Variants in GRIN3A observed in about 807,000 individuals in gnomAD.
The protein encoded by GRIN3A is glutamate ionotropic receptor NMDA type subunit 3A, also known as glutamate receptor ionotropic, NMDA 3A.
GRIN3A carries 47 observed loss-of-function variants against 92.4 expected under a neutral mutation model. That is an observed-to-expected ratio of 0.51 (90% CI 0.40 to 0.65). The LOEUF (loss-of-function observed/expected upper bound fraction) is 0.65. GRIN3A is among the 30% of genes least tolerant of loss of function. The probability of loss-of-function intolerance (pLI) is 0.00; values close to 1 mark genes in which losing one functional copy is unlikely to be tolerated. For synonymous variants in GRIN3A, 527 were observed against 540.6 expected, an observed-to-expected ratio of 0.97 and a Z score of 0.35; for missense variants, 1,324 against 1,393.1, an observed-to-expected ratio of 0.95 and a Z score of 0.79.
intron 6 of GRIN3A, among the ~76,000 whole-genome samples, chr9:101,610,739 A>C (rs1458373774): frequency 6.6e-6 from 1 of 152,146 alleles, no homozygotes; most frequent in Non-Finnish European, 1.5e-5. Flanking sequence ...GGGAGTTTAT[A>C]ATATAAAGGA....
intron 1 of GRIN3A, among the ~76,000 whole-genome samples, chr9:101,698,160 A>G (rs570149091): frequency 1.3e-5 from 2 of 152,222 alleles, no homozygotes; most frequent in Admixed American, 6.5e-5. Context: ...CTAGTCAAAT[A>G]CATTTTCTGG....
chr9:101,589,224 C>T lies in GRIN3A; in HGVS notation c.2767-9864G>A, dbSNP rs374293087. Among the ~76,000 whole-genome samples the T allele has an allele frequency of 3.0e-4, 45 of 152,292 alleles. No homozygotes were observed. In the East Asian group the frequency reaches 4.1e-3, roughly 14 times the overall value. On this transcript the variant is annotated intron_variant, in intron 6 of 8. Coordinates refer to ENST00000361820, the MANE Select transcript of GRIN3A (RefSeq NM_133445.3). ...CTGACCTCAAGCGATCCACCTGCCT[C>T]GGCCTCCCAAAGTGCTGGGATTAAA...
intron 8 of GRIN3A, 63 bp from the exon 9 acceptor site, chr9:101,573,576 T>C (rs569024282): frequency 5.4e-6 from 7 of 1,294,714 alleles, no homozygotes; most frequent in Non-Finnish European, 7.8e-6. Context: ...GCTGTCTTCA[T>C]CTGTTAGCCA....
In GRIN3A at chr9:101,737,247, C is replaced by T. The variant is rs765442530; in HGVS notation, c.699+34G>A. 2.2e-5 allele frequency: 35 copies of T among 1,579,264 alleles called. No homozygotes were observed. In the South Asian group the frequency reaches 3.8e-4, roughly 17 times the overall value. Reference sequence around the variant, plus strand: ...GCAATGGCCCCGGCCCCCAGCAGCGCCCATCTCCACTCCACGCACCAGGCT... The same window carrying T: ...GCAATGGCCCCGGCCCCCAGCAGCGTCCATCTCCACTCCACGCACCAGGCT... On this transcript the variant is annotated intron_variant, in intron 1 of 8. Coordinates refer to ENST00000361820, the MANE Select transcript of GRIN3A (RefSeq NM_133445.3).
At chr9:101,711,600 G>A (rs980890784) in intron 1 of GRIN3A, among the ~76,000 whole-genome samples, 12 of 152,102 alleles carry the variant, frequency 7.9e-5, no homozygotes, top group African/African-American at 2.9e-4. Flanking sequence ...TGTCTTTTCT[G>A]TCTCTGATTT....
rs573764108 is a variant in GRIN3A, at chr9:101,687,159, A to G, written c.741T>C (p.Ser247=). The change falls in exon 2 of 9, where the codon AGT becomes AGC. Residue 247 remains serine, a synonymous_variant. Coordinates refer to ENST00000361820, the MANE Select transcript of GRIN3A (RefSeq NM_133445.3). ...TTGAGACAGTGACATCAGCATCAGA[A>G]CTTAATGAATTTTCTAAACTCAGTT... The part of the protein sequence containing the change: ...HLQLSLENSL[S]SDADVTVSIL... The G allele has an allele frequency of 2.5e-6, 4 of 1,613,910 alleles. No individual in the cohort carries two copies. Among genetic ancestry groups the G allele is most frequent in the African/African-American group, 2.7e-5 (2 of 75,048 alleles).
intron 1 of GRIN3A, among the ~76,000 whole-genome samples, chr9:101,720,665 C>T (rs1479135643): frequency 6.6e-6 from 1 of 152,138 alleles, no homozygotes; most frequent in African/African-American, 2.4e-5. Flanking sequence ...CATAATTCAT[C>T]TGCAAATTGT....
chr9:101,692,250 C>A (rs924231620), intron 1 of GRIN3A, among the ~76,000 whole-genome samples: 1 of 152,070 alleles, frequency 6.6e-6, no homozygotes, highest in Non-Finnish European at 1.5e-5. Context: ...TTGGGAGATA[C>A]TATGTTTACA....
intron 5 of GRIN3A, among the ~76,000 whole-genome samples, chr9:101,615,650 C>T (rs1022355980): frequency 2.6e-5 from 4 of 152,100 alleles, no homozygotes; most frequent in Admixed American, 6.5e-5. Context: ...CCACTGCGCC[C>T]GGCCTATTTA....
At chr9:101,687,233 A>C in intron 1 of GRIN3A, 33 bp from the exon 2 acceptor site, 3 of 1,612,024 alleles carry the variant, frequency 1.9e-6, no homozygotes, top group Non-Finnish European at 2.5e-6. Context: ...GAAGAATTAG[A>C]AAGCATTGGC....
At chr9:101,610,736 T>C (rs536067303) in intron 6 of GRIN3A, among the ~76,000 whole-genome samples, 2 of 152,230 alleles carry the variant, frequency 1.3e-5, no homozygotes, top group South Asian at 4.1e-4. Context: ...GTTGGGAGTT[T>C]ATAATATAAA....
At chr9:101,598,033 G>T (rs1828162398) in intron 6 of GRIN3A, among the ~76,000 whole-genome samples, 1 of 152,074 alleles carries the variant, frequency 6.6e-6, no homozygotes, top group Admixed American at 6.5e-5. Context: ...CAGTATGTGG[G>T]GATAAAGTAG....
intron 1 of GRIN3A, among the ~76,000 whole-genome samples, chr9:101,715,622 G>T (rs1829935646): frequency 6.6e-6 from 1 of 152,114 alleles, no homozygotes; most frequent in Non-Finnish European, 1.5e-5. Context: ...AACAGGTAGA[G>T]AGATATGATT....
rs146586500 is a variant in GRIN3A, at chr9:101,633,752, C to T, written c.2353-5351G>A. Among the ~76,000 whole-genome samples the T allele has an allele frequency of 5.3e-5, 8 of 152,202 alleles. No individual in the cohort carries two copies. The East Asian group carries it at 1.5e-3, about 29-fold the overall frequency. On this transcript the variant is annotated intron_variant, in intron 3 of 8. Transcript: ENST00000361820. ...CAAACCATTACCACCCACCCCCAAC[C>T]CATCCATGAAAAAATTGTCCACAAA...
chr9:101,635,372 A>G (rs1305414497), intron 3 of GRIN3A, among the ~76,000 whole-genome samples: 1 of 152,188 alleles, frequency 6.6e-6, no homozygotes, highest in Non-Finnish European at 1.5e-5. Flanking sequence ...TTTTTGCACT[A>G]CAACAGTAGA....
At chr9:101,604,737 C>T (rs940528324) in intron 6 of GRIN3A, among the ~76,000 whole-genome samples, 1 of 152,196 alleles carries the variant, frequency 6.6e-6, no homozygotes, top group African/African-American at 2.4e-5. Flanking sequence ...TGCCCTCCCC[C>T]ACTGCCCTAA....
intron 3 of GRIN3A, among the ~76,000 whole-genome samples, chr9:101,641,330 T>C (rs1412531038): frequency 6.6e-6 from 1 of 152,182 alleles, no homozygotes; most frequent in African/African-American, 2.4e-5. Flanking sequence ...TAAAGACACA[T>C]GCACACGTAT....
chr9:101,649,966 G>A (rs1828992702), intron 3 of GRIN3A, among the ~76,000 whole-genome samples: 1 of 151,998 alleles, frequency 6.6e-6, no homozygotes, highest in Non-Finnish European at 1.5e-5. Context: ...TTCAAAGAGT[G>A]GAGCACTGTT....
intron 3 of GRIN3A, among the ~76,000 whole-genome samples, chr9:101,645,616 G>C (rs1421738607): frequency 6.6e-6 from 1 of 150,706 alleles, no homozygotes; most frequent in African/African-American, 2.4e-5. Context: ...CATAGTGGCT[G>C]TACTAATTTA....
Sources: gnomAD v4.1 joint callset for allele counts (sites outside exome capture counted in the v4.1 genomes callset) on GRCh38, gnomAD v4.1.1 for gene constraint, MANE v1.5 for transcripts, NCBI Gene and HGNC (gene_info 2026-07-23, HGNC 2026-07-21) for gene names.